The following TMEM145 variants were observed in gnomAD, a reference collection of about 807,000 sequenced individuals.
The protein encoded by TMEM145 is transmembrane protein 145.
In TMEM145, 46 loss-of-function variants were observed where a neutral mutation model predicts 68.5. That is an observed-to-expected ratio of 0.67 (90% CI 0.53 to 0.86). The LOEUF (loss-of-function observed/expected upper bound fraction) is 0.86. Ranked by LOEUF, TMEM145 falls within the 40% of genes least tolerant of loss-of-function variation. TMEM145 has a pLI of 0.00. For missense variants in TMEM145, 570 were observed against 645.8 expected, an observed-to-expected ratio of 0.88 and a Z score of 1.27; for synonymous variants, 255 against 280.2, an observed-to-expected ratio of 0.91 and a Z score of 0.90.
Position 42,313,411 on chromosome 19 carries a change from TG to T in TMEM145, c.36del (p.Leu13CysfsTer33). On this transcript the variant is annotated frameshift_variant, in exon 1 of 15. Coordinates refer to ENST00000301204, the MANE Select transcript of TMEM145 (RefSeq NM_173633.3). LOFTEE classifies it high-confidence loss of function. This position sits in a 1 kb window ranked among gnomAD's most constrained non-coding sequence, Gnocchi z 5.1. ...EPLRAPALRRLLPPLLLLLLS... is the reference protein window; with the variant it reads ...EPLRAPALRRXLPPLLLLLLS... ...CTGCGCGCGCCCGCGCTGCGCCGCCTGCTGCCGCCGCTGCTGCTCCTGCTGC... is the reference window on the plus strand; with the variant it reads ...CTGCGCGCGCCCGCGCTGCGCCGCCTCTGCCGCCGCTGCTGCTCCTGCTGC... The T allele has an allele frequency of 1.5e-6, 2 of 1,361,280 alleles. No individual in the cohort carries two copies. Among genetic ancestry groups the T allele is most frequent in the Non-Finnish European group, 1.9e-6 (2 of 1,055,270 alleles). 84.3% of individuals were successfully genotyped at this position (1,361,280 alleles called of 1,614,324 possible).
Position 42,324,807 on chromosome 19 carries a change from G to A in TMEM145, c.1472G>A (p.Arg491Gln), listed in dbSNP as rs1404524783. 4 of 1,567,486 alleles carry A rather than the reference G, an allele frequency of 2.6e-6. No homozygotes were observed. The African/African-American group carries it at 5.6e-5, about 22-fold the overall frequency. ...FRDLRPPGPLRDL is the reference protein window; with the variant it reads ...FRDLRPPGPLQDL Reference sequence around the variant, plus strand: ...GACCTCCGGCCCCCTGGCCCCCTTCGAGACCTCTGACCCCGCTGGACTCCG... The same window carrying A: ...GACCTCCGGCCCCCTGGCCCCCTTCAAGACCTCTGACCCCGCTGGACTCCG... Residue 491 changes from arginine (R) to glutamine (Q), a missense_variant, in exon 15 of 15, where the codon CGA (arginine) becomes CAA (glutamine). By Grantham distance (43) the Arg-to-Gln change is conservative. Transcript: ENST00000301204.
rs1161176995 is a variant in TMEM145, at chr19:42,315,062, T to C, written c.490T>C (p.Ser164Pro). 5 of 1,614,042 alleles carry C rather than the reference T, an allele frequency of 3.1e-6. No individual in the cohort carries two copies. The South Asian group carries it at 5.5e-5, about 18-fold the overall frequency. Reference sequence around the variant, plus strand: ...CAAGTCCTTCTGGACACGACACTTCTCCGCTGATGAGTTTGGTGAGCACGT... The same window carrying C: ...CAAGTCCTTCTGGACACGACACTTCCCCGCTGATGAGTTTGGTGAGCACGT... ...NGKSFWTRHF[S>P]ADEFGILETD... is the part of the protein sequence containing the mutation. The change falls in exon 6 of 15, where the codon TCC (serine) becomes CCC (proline). Residue 164 changes from serine (S) to proline (P), a missense_variant. By Grantham distance (74) the Ser-to-Pro change is moderately conservative. Transcript: ENST00000301204.
intron 13 of TMEM145, chr19:42,321,174 A>C (rs2038907468): frequency 2.5e-6 from 1 of 398,126 alleles, no homozygotes; most frequent in Admixed American, 4.4e-5. Flanking sequence ...GGGGTGGCAC[A>C]GGGTGAAGCT....
intron 8 of TMEM145, 120 bp downstream of exon 8, chr19:42,315,560 G>A: frequency 9.2e-7 from 1 of 1,088,264 alleles, no homozygotes; most frequent in Non-Finnish European, 1.4e-6. Context: ...GGAGGGGCTG[G>A]GGGCCTGGAC....
Position 42,323,809 on chromosome 19 carries a change from C to A in TMEM145, c.1401+20C>A, listed in dbSNP as rs1258471799. On this transcript the variant is annotated intron_variant, in intron 14 of 14. Transcript: ENST00000301204. ...ACCTCCGTAAGCCCCGCGGCCCCAG[C>A]GCCCGAGGAGCTGCTGGCGCCGCCC... 1.2e-6 allele frequency: 2 copies of A among 1,610,220 alleles called. No homozygotes were observed. The highest frequency in any genetic ancestry group is 1.7e-6 in the Non-Finnish European group (2 of 1,177,162).
At chr19:42,322,159 A>G (rs924107835) in intron 13 of TMEM145, among the ~76,000 whole-genome samples, 2 of 152,208 alleles carry the variant, frequency 1.3e-5, no homozygotes, top group Non-Finnish European at 2.9e-5. Flanking sequence ...CCTTTGCCTC[A>G]GAGGCTGACA....
Position 42,319,762 on chromosome 19 carries a change from T to C in TMEM145, c.1074-555T>C, listed in dbSNP as rs535189654. On this transcript the variant is annotated intron_variant, in intron 12 of 14. Transcript: ENST00000301204. ...TGTGCCCGGCCTGATTTCTTCTTTT[T>C]TTTTTTTTTTTTTTGAGATGGAGTT... 1.2e-4 allele frequency among the ~76,000 whole-genome samples: 18 copies of C among 148,098 alleles called. No individual in the cohort carries two copies. The East Asian group carries it at 2.8e-3, about 23-fold the overall frequency.
chr19:42,313,370 G>A lies in TMEM145; in HGVS notation c.-7G>A, dbSNP rs752457207. ...GCCGGAGCGGAGCCGGGGCCGGAGC[G>A]GGCGGAATGGAGCCCCTGCGCGCGC... On this transcript the variant is annotated 5_prime_UTR_variant, in exon 1 of 15. Transcript: ENST00000301204. This position sits in a 1 kb window ranked among gnomAD's most constrained non-coding sequence, Gnocchi z 5.1. 3 of 1,130,702 alleles carry A rather than the reference G, an allele frequency of 2.7e-6. No individual in the cohort carries two copies. The highest frequency in any genetic ancestry group is 3.3e-5 in the East Asian group (1 of 30,730). The allele number at this position is 1,130,702 out of a possible 1,614,324, so 70.0% of individuals were successfully genotyped here.
In TMEM145 at chr19:42,325,029, T is replaced by A; in HGVS notation, c.*212T>A. 1 of 688,826 alleles carries A rather than the reference T, an allele frequency of 1.5e-6. No homozygotes were observed. Among genetic ancestry groups the A allele is most frequent in the East Asian group, 3.6e-5 (1 of 27,466 alleles). The allele number at this position is 688,826 out of a possible 1,614,324, so 42.7% of individuals were successfully genotyped here. A position where few individuals can be genotyped will look rare whatever the true frequency, so the allele number is the denominator to read the frequency against. ...TGGCAGAAAGACATTTTACCCCTTC[T>A]TGCCAAAATAAAAAAGGATTCGTTT... On this transcript the variant is annotated 3_prime_UTR_variant, in exon 15 of 15. Coordinates refer to ENST00000301204, the MANE Select transcript of TMEM145 (RefSeq NM_173633.3).
Position 42,323,768 on chromosome 19 carries a change from C to T in TMEM145, c.1380C>T (p.Ser460=), listed in dbSNP as rs897115065. 6.2e-7 allele frequency: 1 copy of T among 1,614,074 alleles called. No individual in the cohort carries two copies. The highest frequency in any genetic ancestry group is 8.5e-7 in the Non-Finnish European group (1 of 1,179,968). Residue 460 remains serine, a synonymous_variant, in exon 14 of 15, where the codon TCC becomes TCT. Coordinates refer to ENST00000301204, the MANE Select transcript of TMEM145 (RefSeq NM_173633.3). ...TGCCCAACTTCACGGAGCTCTTCTCCATCCCCCCGCCCGCCACCTCCGTAA... is the reference window on the plus strand; with the variant it reads ...TGCCCAACTTCACGGAGCTCTTCTCTATCCCCCCGCCCGCCACCTCCGTAA... The part of the protein sequence containing the change: ...DSVPNFTELF[S]IPPPATSPLP...
At chr19:42,324,485 T>G (rs2038949613) in intron 14 of TMEM145, 1 of 985,188 alleles carries the variant, frequency 1.0e-6, no homozygotes, top group Admixed American at 6.1e-5. Flanking sequence ...CACCGAATAC[T>G]TCAGCATGCA....
intron 14 of TMEM145, chr19:42,324,244 C>T (rs1314757703): frequency 1.0e-6 from 1 of 984,418 alleles, no homozygotes; most frequent in African/African-American, 1.7e-5. Flanking sequence ...CCCCGAGGGT[C>T]CCGGACGGCC....
intron 2 of TMEM145, 38 bp downstream of exon 2, chr19:42,314,384 T>A: frequency 6.2e-7 from 1 of 1,613,914 alleles, no homozygotes. Flanking sequence ...TGAGGCTGGG[T>A]ACTTCCCTTG....
At chr19:42,316,431 T>A (rs748123996) in intron 8 of TMEM145, 50 bp from the exon 9 acceptor site, 1 of 1,560,142 alleles carries the variant, frequency 6.4e-7, no homozygotes. Context: ...AGAACAGTGA[T>A]GCCCCAGAGC....
Position 42,320,421 on chromosome 19 carries a change from C to T in TMEM145, c.1178C>T (p.Ala393Val). 6.2e-7 allele frequency: 1 copy of T among 1,614,012 alleles called. No homozygotes were observed. Among genetic ancestry groups the T allele is most frequent in the Non-Finnish European group, 8.5e-7 (1 of 1,180,040 alleles). Residue 393 changes from alanine to valine, a missense_variant, in exon 13 of 15, where the codon GCC (alanine) becomes GTC (valine). Transcript: ENST00000301204. ...ATCCAGCTGGGGATCCACTTGTACGCCCATGGCGTGTTTCTGGTGAGGATG... is the reference window on the plus strand; with the variant it reads ...ATCCAGCTGGGGATCCACTTGTACGTCCATGGCGTGTTTCTGGTGAGGATG... ...NGIQLGIHLY[A>V]HGVFLIMTRP...
At chr19:42,315,123 G>C (rs769787759) in intron 6 of TMEM145, 46 bp downstream of exon 6, 1 of 1,614,212 alleles carries the variant, frequency 6.2e-7, no homozygotes, top group Non-Finnish European at 8.5e-7. Flanking sequence ...TGGGACACCA[G>C]AGCTGGGTGC....
Position 42,323,592 on chromosome 19 carries a change from C to T in TMEM145, c.1204C>T (p.Arg402Cys), listed in dbSNP as rs371558204. 6.2e-7 allele frequency: 1 copy of T among 1,613,964 alleles called. No homozygotes were observed. Among genetic ancestry groups the T allele is most frequent in the Non-Finnish European group, 8.5e-7 (1 of 1,179,984 alleles). ...YAHGVFLIMT[R>C]PSAANKNFPY... ...CTGGCCCTGGCCTCAGATCATGACC[C>T]GCCCATCAGCGGCCAACAAGAACTT... The change falls in exon 14 of 15, where the codon CGC becomes TGC. Residue 402 changes from arginine to cysteine, a missense_variant. Transcript: ENST00000301204.
chr19:42,321,227 CT>C (rs780768912), intron 13 of TMEM145: 56,262 of 337,692 alleles, frequency 0.17, 8 homozygotes, highest in East Asian at 0.22. Context: ...AGCACCACAT[CT>C]TTTTTTTTTT....
chr19:42,324,632 A>AC, intron 14 of TMEM145, 105 bp from the exon 15 acceptor site: 25 of 622,004 alleles, frequency 4.0e-5, no homozygotes, highest in South Asian at 1.9e-4. Context: ...GGCCTTCCCG[A>AC]CCCTTCCCAC....
Sources: allele counts gnomAD v4.1 joint callset (sites outside exome capture counted in the v4.1 genomes callset), GRCh38; gene constraint gnomAD v4.1.1; non-coding constraint Gnocchi (gnomAD v3.1); transcripts MANE v1.5; gene names NCBI Gene and HGNC (gene_info 2026-07-23, HGNC 2026-07-21).